Variants in RBM6 observed in about 807,000 individuals in gnomAD.
RBM6 encodes RNA binding motif protein 6.
In RBM6, 23 loss-of-function variants were observed where a neutral mutation model predicts 140.4. The ratio of observed to expected loss-of-function variants is 0.16; its 90% CI spans 0.12 to 0.23. The LOEUF is 0.23. Among genes scored for constraint, RBM6 ranks in the 10% least tolerant of loss-of-function variants. The pLI, the probability that RBM6 is intolerant of heterozygous loss-of-function variation, is 1.00. For synonymous variants in RBM6, 439 were observed against 475.6 expected (o/e 0.92, Z 1.00); for missense variants, 1,139 against 1,386.7 (o/e 0.82, Z 2.84).
At chr3:50,040,751 G>A (rs1455866767) in intron 6 of RBM6, among the ~76,000 whole-genome samples, 1 of 151,500 alleles carries the variant, frequency 6.6e-6, no homozygotes, top group South Asian at 2.1e-4. Context: ...CGACCTCACA[G>A]GTTCAAGCAA....
chr3:50,042,224 A>G (rs1460480981), intron 6 of RBM6, among the ~76,000 whole-genome samples: 3 of 152,226 alleles, frequency 2.0e-5, no homozygotes, highest in Non-Finnish European at 4.4e-5. Flanking sequence ...TGACTTTTCA[A>G]TGTGAGTTGT....
chr3:49,945,265 CCTT>C (rs976288081), intron 1 of RBM6, among the ~76,000 whole-genome samples: 7 of 151,248 alleles, frequency 4.6e-5, no homozygotes, highest in South Asian at 2.1e-4. Flanking sequence ...GCAGCCCTGA[CCTT>C]CTCAGTTCAA....
intron 5 of RBM6, 132 bp downstream of exon 5, chr3:49,975,524 A>T (rs1035624705): frequency 6.9e-6 from 5 of 724,058 alleles, no homozygotes; most frequent in Non-Finnish European, 2.4e-6. Flanking sequence ...TGGTGCCTCC[A>T]AATAACAACC....
intron 6 of RBM6, among the ~76,000 whole-genome samples, chr3:50,033,135 A>G (rs1343292464): frequency 3.3e-5 from 5 of 152,054 alleles, no homozygotes; most frequent in Non-Finnish European, 7.4e-5. Context: ...AGTCTCTACT[A>G]AAAATACAAA....
Position 50,030,465 on chromosome 3 carries a change from T to A in RBM6, c.1558-17780T>A, listed in dbSNP as rs115313255. On this transcript the variant is annotated intron_variant, in intron 6 of 20. Coordinates refer to ENST00000266022, the MANE Select transcript of RBM6 (RefSeq NM_005777.3). Reference sequence around the variant, plus strand: ...CAGGTTTTTTCATTGTCATTTCTTATACCTTTTGTTCCACTACCTACTTTT... The same window carrying A: ...CAGGTTTTTTCATTGTCATTTCTTAAACCTTTTGTTCCACTACCTACTTTT... Among the ~76,000 whole-genome samples, 1,344 of 152,224 alleles carry A rather than the reference T, an allele frequency of 8.8e-3. 22 individuals carry two copies. Among genetic ancestry groups the A allele is most frequent in the African/African-American group, 0.031 (1,296 of 41,520 alleles).
rs2084600969 is a variant in RBM6 at position 49,968,280 on chromosome 3, G to A, written c.855G>A (p.Met285Ile). The A allele has an allele frequency of 6.2e-7, 1 of 1,614,102 alleles. No individual in the cohort carries two copies. Among genetic ancestry groups the A allele is most frequent in the South Asian group, 1.1e-5 (1 of 91,080 alleles). ...GSCMEFKDRE[M>I]PPVDPNILDY... ...GTATGGAATTTAAAGATAGGGAGATGCCCCCTGTGGATCCAAATATTTTGG... is the reference window on the plus strand; with the variant it reads ...GTATGGAATTTAAAGATAGGGAGATACCCCCTGTGGATCCAAATATTTTGG... Residue 285 changes from methionine (M) to isoleucine (I), a missense_variant, in exon 3 of 21, where the codon ATG (methionine) becomes ATA (isoleucine). This residue lies in a region of RBM6 where 566 missense variants were observed against 612.7 expected (regional missense o/e 0.92). Transcript: ENST00000266022.
rs2108967767 is a variant in RBM6 at position 50,077,157 on chromosome 3, T to C, written c.*24T>C. Reference sequence around the variant, plus strand: ...AAGAAAGGAGACAAGTTCCATGGGATACAACCTCCCTCTTGTTTTGTTTGT... The same window carrying C: ...AAGAAAGGAGACAAGTTCCATGGGACACAACCTCCCTCTTGTTTTGTTTGT... On this transcript the variant is annotated 3_prime_UTR_variant, in exon 21 of 21. Coordinates refer to ENST00000266022, the MANE Select transcript of RBM6 (RefSeq NM_005777.3). 6.3e-7 allele frequency: 1 copy of C among 1,595,998 alleles called. No homozygotes were observed. Among genetic ancestry groups the C allele is most frequent in the South Asian group, 1.1e-5 (1 of 88,132 alleles).
At chr3:49,996,652 A>G (rs2086101884) in intron 5 of RBM6, among the ~76,000 whole-genome samples, 1 of 152,192 alleles carries the variant, frequency 6.6e-6, no homozygotes, top group Non-Finnish European at 1.5e-5. Context: ...AGGTCTACTC[A>G]CAATAGTTCT....
intron 7 of RBM6, among the ~76,000 whole-genome samples, 178 bp downstream of exon 7, chr3:50,048,497 C>T (rs2089320036): frequency 6.6e-6 from 1 of 152,188 alleles, no homozygotes; most frequent in Non-Finnish European, 1.5e-5. Flanking sequence ...TCCTTCCCAG[C>T]TGCTACATGT....
At chr3:49,969,431 CCTCAG>C (rs1228525383) in intron 3 of RBM6, among the ~76,000 whole-genome samples, 1 of 145,470 alleles carries the variant, frequency 6.9e-6, no homozygotes, top group African/African-American at 2.5e-5. Context: ...GAGAAAAGGT[CCTCAG>C]CTCAGATCAT....
chr3:49,945,220 C>T (rs1019899925), intron 1 of RBM6, among the ~76,000 whole-genome samples: 5 of 148,430 alleles, frequency 3.4e-5, no homozygotes, highest in Non-Finnish European at 5.9e-5. Flanking sequence ...CTCTGTTGTC[C>T]AGGCTGGAGT....
chr3:49,971,942 A>G (rs1364219308), intron 3 of RBM6, 117 bp from the exon 4 acceptor site: 7 of 714,518 alleles, frequency 9.8e-6, no homozygotes, highest in Admixed American at 5.5e-5. Flanking sequence ...GTAATTTTTT[A>G]TATCTTCACG....
chr3:49,972,566 G>A (rs2084849656), intron 4 of RBM6, among the ~76,000 whole-genome samples: 1 of 152,158 alleles, frequency 6.6e-6, no homozygotes, highest in Non-Finnish European at 1.5e-5. Flanking sequence ...ACTAAATTAA[G>A]TCTGAACTTA....
At chr3:49,992,311 GA>G (rs1224243175) in intron 5 of RBM6, among the ~76,000 whole-genome samples, 4 of 151,698 alleles carry the variant, frequency 2.6e-5, no homozygotes, top group Non-Finnish European at 5.9e-5. Flanking sequence ...TAAGGCAGTA[GA>G]AAAAAAATGT....
chr3:50,037,819 CT>C (rs11328228), intron 6 of RBM6, among the ~76,000 whole-genome samples: 15,843 of 127,440 alleles, frequency 0.12, 1,312 homozygotes, highest in African/African-American at 0.27. Flanking sequence ...CTTTTCTTTC[CT>C]TTTTTTTTTT....
chr3:49,949,114 C>G (rs1046267335), intron 1 of RBM6, among the ~76,000 whole-genome samples: 1 of 151,542 alleles, frequency 6.6e-6, no homozygotes, highest in African/African-American at 2.4e-5. Context: ...CAGGTGTGAG[C>G]CACCACGCCT....
At chr3:50,024,416 C>T (rs369244281) in intron 6 of RBM6, among the ~76,000 whole-genome samples, 12 of 152,122 alleles carry the variant, frequency 7.9e-5, no homozygotes, top group African/African-American at 2.9e-4. Context: ...TCCTGCCCCT[C>T]CTGGTCATTG....
chr3:50,059,864 A>G, intron 11 of RBM6, 118 bp downstream of exon 11: 3 of 716,138 alleles, frequency 4.2e-6, no homozygotes, highest in Admixed American at 6.2e-5. Flanking sequence ...GGACTGCTTC[A>G]GATAGGTGTT....
intron 6 of RBM6, among the ~76,000 whole-genome samples, chr3:50,035,401 G>C (rs2088469040): frequency 1.3e-5 from 2 of 152,044 alleles, no homozygotes; most frequent in South Asian, 4.1e-4. Context: ...GAAACTTCAG[G>C]ACAGGGTGCG....
Sources: gnomAD v4.1 joint callset for allele counts (sites outside exome capture counted in the v4.1 genomes callset) on GRCh38, gnomAD v4.1.1 for gene constraint, gnomAD v4.1.1 regional missense constraint, MANE v1.5 for transcripts, NCBI Gene and HGNC (gene_info 2026-07-23, HGNC 2026-07-21) for gene names.